The following TMEM222 variants were observed in gnomAD, a reference collection of about 807,000 sequenced individuals.
The protein encoded by TMEM222 is chromosome 1 open reading frame 160.
TMEM222 carries 18 observed loss-of-function variants against 25.1 expected under a neutral mutation model. That is an observed-to-expected ratio of 0.72 (90% CI 0.50 to 1.06). TMEM222 has a LOEUF of 1.06. Ranked by LOEUF, TMEM222 falls within the 50% of genes least tolerant of loss-of-function variation. The pLI is 0.00. For missense variants in TMEM222, 296 were observed against 293.7 expected (o/e 1.01, Z -0.06); for synonymous variants, 131 against 117.9 (o/e 1.11, Z -0.72).
chr1:27,329,785 AT>A (rs777686022), intron 1 of TMEM222, among the ~76,000 whole-genome samples: 72 of 152,380 alleles, frequency 4.7e-4, no homozygotes, highest in Non-Finnish European at 8.1e-4. Flanking sequence ...GGCATTTAGT[AT>A]AGTGCCAAAC....
chr1:27,325,868 G>A (rs55663650), intron 1 of TMEM222: 121,413 of 762,186 alleles, frequency 0.16, 10,630 homozygotes, highest in Middle Eastern at 0.19. Flanking sequence ...CCTGGCAAAT[G>A]CATATACCTC....
chr1:27,322,335 T>C lies in TMEM222; in HGVS notation c.138T>C (p.Asp46=). 1 of 1,540,904 alleles carries C rather than the reference T, an allele frequency of 6.5e-7. No homozygotes were observed. The highest frequency in any genetic ancestry group is 1.2e-5 in the South Asian group (1 of 83,154). Residue 46 remains aspartate, a synonymous_variant, in exon 1 of 6, where the codon GAT becomes GAC. Transcript: ENST00000374076. ...QYQGSGGVAM[D]VERSRFPYCV... ...AAGGCTCCGGCGGCGTCGCCATGGA[T>C]GTGGAACGGAGTCGCTTCCCCTACT...
intron 1 of TMEM222, among the ~76,000 whole-genome samples, chr1:27,329,406 G>A (rs755030448): frequency 1.3e-5 from 2 of 152,130 alleles, no homozygotes; most frequent in Admixed American, 6.5e-5. Context: ...ATTCCACCCC[G>A]CTGTGGACCT....
intron 5 of TMEM222, chr1:27,334,636 G>A (rs1280277276): frequency 2.1e-6 from 3 of 1,441,906 alleles, no homozygotes; most frequent in Non-Finnish European, 9.2e-7. Context: ...AAAGTGAGCA[G>A]ATAGATCCTC....
Position 27,334,072 on chromosome 1 carries a change from G to A in TMEM222, c.408+18G>A. On this transcript the variant is annotated intron_variant, in intron 4 of 5. Transcript: ENST00000374076. ...ACCGCATGGTAGGTGGGCCAGGGCG[G>A]CACCGGCACTCCCCAGGTGGGGACC... 1 of 1,614,054 alleles carries A rather than the reference G, an allele frequency of 6.2e-7. No homozygotes were observed. Among genetic ancestry groups the A allele is most frequent in the Non-Finnish European group, 8.5e-7 (1 of 1,179,960 alleles).
chr1:27,322,496 G>T, intron 1 of TMEM222, 105 bp downstream of exon 1: 1 of 1,139,776 alleles, frequency 8.8e-7, no homozygotes, highest in Non-Finnish European at 1.2e-6. Flanking sequence ...CTTTTCCTCG[G>T]GTCTGGCCCG....
intron 3 of TMEM222, chr1:27,332,791 A>C: frequency 6.1e-6 from 3 of 490,018 alleles, no homozygotes; most frequent in Non-Finnish European, 7.4e-6. Flanking sequence ...TTCCTCCGGC[A>C]GGCAGCAGTG....
chr1:27,324,442 C>T (rs924312058), intron 1 of TMEM222, among the ~76,000 whole-genome samples: 2 of 152,226 alleles, frequency 1.3e-5, no homozygotes, highest in East Asian at 1.9e-4. Flanking sequence ...CCATCTGTGG[C>T]GTGGTCCTCT....
chr1:27,332,194 C>T, intron 3 of TMEM222, 93 bp downstream of exon 3: 1 of 1,462,920 alleles, frequency 6.8e-7, no homozygotes, highest in Non-Finnish European at 9.6e-7. Flanking sequence ...GGGCCAGCAC[C>T]CTGAGAATAG....
rs751105538 is a variant in TMEM222 at position 27,335,418 on chromosome 1, TCTC to T, written c.582_584del (p.Leu195del). 3.1e-6 allele frequency: 5 copies of T among 1,614,020 alleles called. No homozygotes were observed. The highest frequency in any genetic ancestry group is 2.7e-5 in the African/African-American group (2 of 74,910). On this transcript the variant is annotated inframe_deletion, in exon 6 of 6. Coordinates refer to ENST00000374076, the MANE Select transcript of TMEM222 (RefSeq NM_032125.3). ...TGAAGACCTGGCTGCCCTTCATCCT[TCTC>T]CTGGGCATCATCCTCACCGTCAGCC...
rs2014213472 is a variant in TMEM222, at chr1:27,322,170, G to A, written c.-28G>A. On this transcript the variant is annotated 5_prime_UTR_variant, in exon 1 of 6. Transcript: ENST00000374076. ...ATGGGGACGAGCGGCACCAGAGCCGGGGCCAGTCGGAGCGGGGCGCGCGCC... is the reference window on the plus strand; with the variant it reads ...ATGGGGACGAGCGGCACCAGAGCCGAGGCCAGTCGGAGCGGGGCGCGCGCC... The A allele has an allele frequency of 1.5e-6, 2 of 1,368,810 alleles. No individual in the cohort carries two copies. The highest frequency in any genetic ancestry group is 1.7e-5 in the South Asian group (1 of 59,102). The allele number at this position is 1,368,810 out of a possible 1,614,324, so 84.8% of individuals were successfully genotyped here.
chr1:27,333,644 TCACCTCCCAAAGGCCC>T (rs1481377313), intron 3 of TMEM222: 2 of 414,706 alleles, frequency 4.8e-6, no homozygotes, highest in African/African-American at 4.1e-5. Flanking sequence ...CATGGCCTAA[TCACCTCCCAAAGGCCC>T]CACCTCCTCA....
intron 1 of TMEM222, among the ~76,000 whole-genome samples, chr1:27,324,467 C>T (rs1279971713): frequency 3.9e-5 from 6 of 152,210 alleles, no homozygotes; most frequent in African/African-American, 7.2e-5. Context: ...AGAATGGTAG[C>T]AGCGTGAGGT....
chr1:27,332,006 C>T (rs367871879), intron 2 of TMEM222, 64 bp from the exon 3 acceptor site: 211 of 1,562,704 alleles, frequency 1.4e-4, no homozygotes, highest in Non-Finnish European at 1.8e-4. Flanking sequence ...CTGCCACCTA[C>T]CCAGGTTTGT....
Position 27,325,559 on chromosome 1 carries a change from A to G in TMEM222, c.194+3168A>G, listed in dbSNP as rs149042872. ...TCCGCAAAGACCTGTACACCAACAT[A>G]GGGCTATCCAGAGGCACCACCATGT... On this transcript the variant is annotated intron_variant, in intron 1 of 5. Transcript: ENST00000374076. 3.9e-4 allele frequency: 484 copies of G among 1,226,500 alleles called. 1 individual carries two copies. The African/African-American group carries it at 6.5e-3, about 17-fold the overall frequency. 76.0% of individuals were successfully genotyped at this position (1,226,500 alleles called of 1,614,324 possible).
chr1:27,330,396 G>GA (rs1328997336), intron 1 of TMEM222, among the ~76,000 whole-genome samples: 119 of 138,984 alleles, frequency 8.6e-4, no homozygotes, highest in East Asian at 5.8e-3. Flanking sequence ...GACTCCATTT[G>GA]AAAAAAAAAA....
Position 27,334,049 on chromosome 1 carries a change from C to T in TMEM222, c.403C>T (p.Arg135Cys), listed in dbSNP as rs753514574. The change falls in exon 4 of 6, where the codon CGC (arginine) becomes TGC (cysteine). Residue 135 changes from arginine (R) to cysteine (C), a missense_variant. Physicochemically the swap from Arg to Cys is radical, Grantham distance 180. Transcript: ENST00000374076. The part of the protein sequence containing the change: ...VHDASEEYKH[R>C]MHNLCCDNCH... Reference sequence around the variant, plus strand: ...CGACGCCTCTGAGGAGTACAAGCACCGCATGGTAGGTGGGCCAGGGCGGCA... The same window carrying T: ...CGACGCCTCTGAGGAGTACAAGCACTGCATGGTAGGTGGGCCAGGGCGGCA... The T allele has an allele frequency of 1.1e-5, 17 of 1,614,112 alleles. No individual in the cohort carries two copies. The highest frequency in any genetic ancestry group is 2.7e-5 in the African/African-American group (2 of 75,034).
chr1:27,324,480 A>C (rs1012432775), intron 1 of TMEM222, among the ~76,000 whole-genome samples: 1 of 152,202 alleles, frequency 6.6e-6, no homozygotes, highest in African/African-American at 2.4e-5. Flanking sequence ...CGTGAGGTGG[A>C]GGCACCACAA....
In TMEM222 at chr1:27,322,321, G is replaced by A. The variant is rs761808293; in HGVS notation, c.124G>A (p.Gly42Ser). The A allele has an allele frequency of 6.4e-7, 1 of 1,552,416 alleles. No individual in the cohort carries two copies. Among genetic ancestry groups the A allele is most frequent in the Non-Finnish European group, 8.7e-7 (1 of 1,145,240 alleles). The part of the protein sequence containing the change: ...TDMKQYQGSG[G>S]VAMDVERSRF... The stretch of plus-strand genomic sequence containing the variant: ...CATGAAGCAATATCAAGGCTCCGGC[G>A]GCGTCGCCATGGATGTGGAACGGAG... Residue 42 changes from glycine (G) to serine (S), a missense_variant, in exon 1 of 6, where the codon GGC (glycine) becomes AGC (serine). Transcript: ENST00000374076.
Sources: gnomAD v4.1 joint callset for allele counts (sites outside exome capture counted in the v4.1 genomes callset) on GRCh38, gnomAD v4.1.1 for gene constraint, MANE v1.5 for transcripts, NCBI Gene and HGNC (gene_info 2026-07-23, HGNC 2026-07-21) for gene names.